Variants in PCLO observed in about 807,000 individuals in gnomAD.
The protein encoded by PCLO is piccolo presynaptic cytomatrix protein, also known as protein piccolo.
In PCLO, 82 loss-of-function variants were observed where a neutral mutation model predicts 427.5. That is an observed-to-expected ratio of 0.19 (90% CI 0.16 to 0.23). PCLO has a LOEUF of 0.23. Ranked by LOEUF, PCLO falls within the 10% of genes least tolerant of loss-of-function variation. PCLO has a pLI of 1.00. For synonymous variants in PCLO, 2,357 were observed against 2,155.4 expected (o/e 1.09, Z -2.59); for missense variants, 6,239 against 6,115.9 (o/e 1.02, Z -0.67).
intron 3 of PCLO, among the ~76,000 whole-genome samples, chr7:83,019,739 C>A (rs1333134662): frequency 1.3e-5 from 2 of 152,072 alleles, no homozygotes; most frequent in East Asian, 3.9e-4. Context: ...TACTCTTTAT[C>A]TCTATGAAGC....
At chr7:83,133,623 C>T (rs911865783) in intron 3 of PCLO, among the ~76,000 whole-genome samples, 2 of 151,862 alleles carry the variant, frequency 1.3e-5, no homozygotes, top group African/African-American at 4.8e-5. Context: ...TAGTAAAGTG[C>T]CATATCATAC....
intron 3 of PCLO, among the ~76,000 whole-genome samples, chr7:82,992,585 C>T (rs778616713): frequency 2.6e-5 from 4 of 151,890 alleles, no homozygotes; most frequent in Non-Finnish European, 4.4e-5. Context: ...CACACCAGGG[C>T]CTGTCGGGGG....
In PCLO at chr7:82,762,186, A is replaced by G. The variant is rs527599172; in HGVS notation, c.15008-693T>C. Reference sequence around the variant, plus strand: ...TAAATATATAATTATAAAAAGAGGAAAGGTTCTGAAGTATAGAAGTATGGT... The same window carrying G: ...TAAATATATAATTATAAAAAGAGGAGAGGTTCTGAAGTATAGAAGTATGGT... On this transcript the variant is annotated intron_variant, in intron 22 of 24. Transcript: ENST00000333891. 2.6e-5 allele frequency among the ~76,000 whole-genome samples: 4 copies of G among 152,164 alleles called. No individual in the cohort carries two copies. The South Asian group carries it at 8.3e-4, about 32-fold the overall frequency.
At position 82,954,029 on chromosome 7, in the gene PCLO, A is replaced by C. The variant is rs779846784; in HGVS notation, c.6924T>G (p.Thr2308=). Reference sequence around the variant, plus strand: ...AAACTTCCAGAATGATTCCATTCCCAGTTTCCTTCTTGGCTTTCTTCACTG... The same window carrying C: ...AAACTTCCAGAATGATTCCATTCCCCGTTTCCTTCTTGGCTTTCTTCACTG... ...KDPVKKAKKE[T]GNGIILEVLE... Residue 2308 remains threonine, a synonymous_variant, in exon 5 of 25, where the codon ACT becomes ACG. Coordinates refer to ENST00000333891, the MANE Select transcript of PCLO (RefSeq NM_033026.6). 1 of 1,613,860 alleles carries C rather than the reference A, an allele frequency of 6.2e-7. No individual in the cohort carries two copies.
chr7:83,043,072 G>A (rs186633170), intron 3 of PCLO, among the ~76,000 whole-genome samples: 2 of 152,268 alleles, frequency 1.3e-5, no homozygotes, highest in Non-Finnish European at 2.9e-5. Context: ...CAGATGTTTA[G>A]GAGTGTCCCT....
intron 3 of PCLO, among the ~76,000 whole-genome samples, chr7:83,072,006 T>A (rs568782898): frequency 1.3e-5 from 2 of 152,122 alleles, no homozygotes; most frequent in African/African-American, 4.8e-5. Context: ...AAACAGGTTA[T>A]GTTATTCAAA....
At chr7:83,127,826 T>C (rs545911627) in intron 3 of PCLO, among the ~76,000 whole-genome samples, 1 of 152,184 alleles carries the variant, frequency 6.6e-6, no homozygotes, top group African/African-American at 2.4e-5. Flanking sequence ...AAAGCCACAG[T>C]ATGCTAGTAG....
intron 8 of PCLO, among the ~76,000 whole-genome samples, chr7:82,907,123 C>G (rs546098486): frequency 6.6e-6 from 1 of 151,768 alleles, no homozygotes; most frequent in Non-Finnish European, 1.5e-5. Flanking sequence ...TTGGGCTGGA[C>G]GCATTACTTT....
chr7:83,041,495 T>G (rs1229112335), intron 3 of PCLO, among the ~76,000 whole-genome samples: 2 of 152,170 alleles, frequency 1.3e-5, no homozygotes, highest in Non-Finnish European at 2.9e-5. Context: ...AGAAAAAGCT[T>G]GGTTAATAAA....
chr7:83,004,992 A>G (rs1787912801), intron 3 of PCLO, among the ~76,000 whole-genome samples: 1 of 151,676 alleles, frequency 6.6e-6, no homozygotes, highest in Non-Finnish European at 1.5e-5. Flanking sequence ...TACACCTGTT[A>G]AGAGTGATTA....
intron 3 of PCLO, among the ~76,000 whole-genome samples, chr7:83,055,521 G>A (rs749434112): frequency 1.3e-5 from 2 of 152,108 alleles, no homozygotes; most frequent in Non-Finnish European, 2.9e-5. Context: ...TGGACTTTTC[G>A]TGATTGTCTC....
At chr7:83,139,103 A>G (rs551203463) in intron 2 of PCLO, among the ~76,000 whole-genome samples, 1 of 152,194 alleles carries the variant, frequency 6.6e-6, no homozygotes, top group Non-Finnish European at 1.5e-5. Context: ...ATATTTTCTA[A>G]CAGAACTTTC....
chr7:82,949,193 C>T (rs1795271228), intron 6 of PCLO, among the ~76,000 whole-genome samples: 1 of 152,064 alleles, frequency 6.6e-6, no homozygotes, highest in Non-Finnish European at 1.5e-5. Flanking sequence ...AAATAATAAA[C>T]TCATTTTGCT....
chr7:82,778,701 T>C lies in PCLO; in HGVS notation c.15008-17208A>G, dbSNP rs555773152. Reference sequence around the variant, plus strand: ...CAATGTGAAGTACTAGTATTTTTTTTCCATGTAGGCAACCGATTTTCTCTG... The same window carrying C: ...CAATGTGAAGTACTAGTATTTTTTTCCCATGTAGGCAACCGATTTTCTCTG... On this transcript the variant is annotated intron_variant, in intron 22 of 24. Transcript: ENST00000333891. 5.3e-5 allele frequency among the ~76,000 whole-genome samples: 8 copies of C among 152,246 alleles called. No individual in the cohort carries two copies. The South Asian group carries it at 1.5e-3, about 28-fold the overall frequency.
At chr7:83,122,555 G>A (rs1305913212) in intron 3 of PCLO, among the ~76,000 whole-genome samples, 1 of 151,966 alleles carries the variant, frequency 6.6e-6, no homozygotes, top group Admixed American at 6.5e-5. Flanking sequence ...CAAAGTGCTG[G>A]GATTACAGTG....
chr7:82,964,493 A>T (rs1795721001), intron 4 of PCLO, among the ~76,000 whole-genome samples: 1 of 149,764 alleles, frequency 6.7e-6, no homozygotes, highest in African/African-American at 2.5e-5. Context: ...TAGCTCCCAT[A>T]GGAGGAACAA....
chr7:82,930,954 C>T (rs1794826629), intron 6 of PCLO, among the ~76,000 whole-genome samples: 1 of 151,998 alleles, frequency 6.6e-6, no homozygotes, highest in African/African-American at 2.4e-5. Context: ...AAAGTTATAT[C>T]TGGCTGAACT....
chr7:82,997,373 A>G (rs1374503508), intron 3 of PCLO, among the ~76,000 whole-genome samples: 1 of 152,026 alleles, frequency 6.6e-6, no homozygotes, highest in Non-Finnish European at 1.5e-5. Flanking sequence ...CTCCTAGTAC[A>G]GATATAGCTG....
rs929888300 is a variant in PCLO, at chr7:82,956,751, C to T, written c.4202G>A (p.Ser1401Asn). 1.9e-6 allele frequency: 3 copies of T among 1,613,708 alleles called. No homozygotes were observed. The highest frequency in any genetic ancestry group is 1.3e-5 in the African/African-American group (1 of 74,914). ...GLKKDSFSQE[S>N]SPSSPSDLAK... ...CAAATCTGAGGGGCTGGAAGGGCTG[C>T]TTTCTTGTGAAAAAGAGTCCTTTTT... Residue 1401 changes from serine (S) to asparagine (N), a missense_variant, in exon 5 of 25, where the codon AGC becomes AAC. Physicochemically the swap from Ser to Asn is conservative, Grantham distance 46. Around this residue, in one of 5 missense-constraint regions of PCLO, gnomAD observed 4,677 missense variants for 4,468.4 expected, o/e 1.05. Transcript: ENST00000333891.
Sources: gnomAD v4.1 joint callset for allele counts (sites outside exome capture counted in the v4.1 genomes callset) on GRCh38, gnomAD v4.1.1 for gene constraint, gnomAD v4.1.1 regional missense constraint, MANE v1.5 for transcripts, NCBI Gene and HGNC (gene_info 2026-07-23, HGNC 2026-07-21) for gene names.